Variants in ZNF708 observed in about 807,000 individuals in gnomAD.
ZNF708 encodes ZNF15, ZNF15L1.
ZNF708 carries 44 observed loss-of-function variants against 47.0 expected under a neutral mutation model. That is an observed-to-expected ratio of 0.94 (90% CI 0.74 to 1.20). The LOEUF (loss-of-function observed/expected upper bound fraction) is 1.20. ZNF708 is among the 50% of genes most tolerant of loss of function. The pLI, the probability that ZNF708 is intolerant of heterozygous loss-of-function variation, is 0.00. For missense variants in ZNF708, 557 were observed against 656.0 expected (o/e 0.85, Z 1.65); for synonymous variants, 184 against 218.5 (o/e 0.84, Z 1.39).
At chr19:21,297,270 A>ATAT (rs1568345563) in intron 3 of ZNF708, among the ~76,000 whole-genome samples, 3 of 46,680 alleles carry the variant, frequency 6.4e-5, no homozygotes, top group East Asian at 8.3e-4. Context: ...ATATATATAT[A>ATAT]TTTTTTTTTT....
intron 3 of ZNF708, among the ~76,000 whole-genome samples, chr19:21,305,456 T>A (rs1972742136): frequency 6.7e-6 from 1 of 148,828 alleles, no homozygotes; most frequent in African/African-American, 2.5e-5. Context: ...TATTTTTTTA[T>A]TTTTATTTTT....
At chr19:21,310,453 A>T (rs11665988) in intron 2 of ZNF708, 48 bp downstream of exon 2, 181,880 of 957,364 alleles carry the variant, frequency 0.19, 19,953 homozygotes, top group Non-Finnish European at 0.21. Flanking sequence ...TCAAAAAAAA[A>T]AATAATAATA....
chr19:21,297,457 A>C (rs991013712), intron 3 of ZNF708, among the ~76,000 whole-genome samples: 22 of 150,524 alleles, frequency 1.5e-4, no homozygotes, highest in African/African-American at 4.9e-4. Context: ...CCAAGGTACC[A>C]CAAAGAAAAT....
At chr19:21,313,087 GACAACATGGTGAAACCTCATCTCT>G (rs1972933307) in intron 1 of ZNF708, among the ~76,000 whole-genome samples, 1 of 142,968 alleles carries the variant, frequency 7.0e-6, no homozygotes, top group Non-Finnish European at 1.5e-5. Flanking sequence ...GGTCAACCTG[GACAACATGGTGAAACCTCATCTCT>G]ACTAAAAATA....
intron 1 of ZNF708, among the ~76,000 whole-genome samples, chr19:21,311,430 C>A (rs1972896370): frequency 6.6e-6 from 1 of 151,288 alleles, no homozygotes; most frequent in Non-Finnish European, 1.5e-5. Flanking sequence ...TGCACTAGGA[C>A]AAATTTTTAT....
chr19:21,325,692 C>T (rs1385898414), intron 1 of ZNF708, among the ~76,000 whole-genome samples: 1 of 152,006 alleles, frequency 6.6e-6, no homozygotes, highest in Non-Finnish European at 1.5e-5. Flanking sequence ...AAAGCAAATG[C>T]AATAAAAACA....
chr19:21,298,450 T>G (rs528569016), intron 3 of ZNF708, among the ~76,000 whole-genome samples: 1 of 152,194 alleles, frequency 6.6e-6, no homozygotes, highest in Admixed American at 6.5e-5. Context: ...AAATAATTAA[T>G]ATTGTGTAGA....
chr19:21,328,117 A>T (rs1471596120), intron 1 of ZNF708: 2 of 509,538 alleles, frequency 3.9e-6, no homozygotes, highest in Non-Finnish European at 5.1e-6. Context: ...ATCACTCCGT[A>T]AAGTTTCCAA....
rs1289282755 is a variant in ZNF708, at chr19:21,293,583, TGAG to T, written c.1380_1382del (p.Ser461del). On this transcript the variant is annotated inframe_deletion, in exon 4 of 4. Coordinates refer to ENST00000356929, the MANE Select transcript of ZNF708 (RefSeq NM_021269.3). ...GAATTTTTTTATGATTAGTAAAATT[TGAG>T]GAGTAGTTAAAAGTTTTGCCACATT... 71 of 1,612,894 alleles carry T rather than the reference TGAG, an allele frequency of 4.4e-5. No individual in the cohort carries two copies. Among genetic ancestry groups the T allele is most frequent in the African/African-American group, 6.7e-5 (5 of 74,862 alleles).
rs781524072 is a variant in ZNF708 at position 21,294,124 on chromosome 19, T to G, written c.842A>C (p.Lys281Thr). 2 of 1,612,936 alleles carry G rather than the reference T, an allele frequency of 1.2e-6. No homozygotes were observed. Among genetic ancestry groups the G allele is most frequent in the Non-Finnish European group, 1.7e-6 (2 of 1,179,792 alleles). ...AAAAGCTTTGCCACATTCTTCACAT[T>G]TGTAGGGTTTCTCTCCAGTATGAAC... ...KIVHTGEKPY[K>T]CEECGKAFKQ... Residue 281 changes from lysine (K) to threonine (T), a missense_variant, in exon 4 of 4, where the codon AAA becomes ACA. Transcript: ENST00000356929.
At chr19:21,302,786 T>C (rs957316731) in intron 3 of ZNF708, among the ~76,000 whole-genome samples, 1 of 151,812 alleles carries the variant, frequency 6.6e-6, no homozygotes, top group Non-Finnish European at 1.5e-5. Flanking sequence ...ATAATATTTA[T>C]CGAAAGTATA....
intron 1 of ZNF708, among the ~76,000 whole-genome samples, 170 bp downstream of exon 1, chr19:21,329,040 G>T (rs1973318840): frequency 6.6e-6 from 1 of 152,312 alleles, no homozygotes; most frequent in South Asian, 2.1e-4. Context: ...CCGGCTGTCG[G>T]CGCAGCCGCC....
At chr19:21,316,138 T>TC (rs1350609658) in intron 1 of ZNF708, among the ~76,000 whole-genome samples, 1 of 139,270 alleles carries the variant, frequency 7.2e-6, no homozygotes, top group East Asian at 2.0e-4. Context: ...TTTTTCTTTT[T>TC]TTTTTTTTTT....
intron 1 of ZNF708, among the ~76,000 whole-genome samples, chr19:21,320,660 T>G (rs1012706864): frequency 1.3e-5 from 2 of 151,202 alleles, no homozygotes; most frequent in African/African-American, 4.9e-5. Flanking sequence ...ACCACTGCAC[T>G]CCAGCCTGAG....
chr19:21,293,296 T>C lies in ZNF708; in HGVS notation c.1670A>G (p.Glu557Gly). Residue 557 changes from glutamate (E) to glycine (G), a missense_variant, in exon 4 of 4, where the codon GAG (glutamate) becomes GGG (glycine). Physicochemically the swap from Glu to Gly is moderately conservative, Grantham distance 98. Transcript: ENST00000356929. ...ACATTATTTACATTTGTAGGGTTTC[T>C]CTTTGGTATGAATTCTCTTATGTTT... The part of the protein sequence containing the change: ...LTKHKRIHTK[E>G]KPYKCK 1 of 1,608,288 alleles carries C rather than the reference T, an allele frequency of 6.2e-7. No homozygotes were observed. Among genetic ancestry groups the C allele is most frequent in the Non-Finnish European group, 8.5e-7 (1 of 1,177,910 alleles).
At chr19:21,328,491 G>A (rs1973308457) in intron 1 of ZNF708, among the ~76,000 whole-genome samples, 1 of 152,130 alleles carries the variant, frequency 6.6e-6, no homozygotes, top group South Asian at 2.1e-4. Flanking sequence ...AATGGGGCTG[G>A]GAGGTACACT....
At position 21,294,227 on chromosome 19, in the gene ZNF708, T is replaced by A; in HGVS notation, c.739A>T (p.Thr247Ser). 6.2e-7 allele frequency: 1 copy of A among 1,612,932 alleles called. No homozygotes were observed. The highest frequency in any genetic ancestry group is 8.5e-7 in the Non-Finnish European group (1 of 1,179,940). ...STLTRHKIIH[T>S]GEKLYKCEEC... ...TCACATTTGTAGAGTTTCTCTCCAG[T>A]ATGAATTATCTTATGTCTAGTAAGA... Residue 247 changes from threonine to serine, a missense_variant, in exon 4 of 4, where the codon ACT (threonine) becomes TCT (serine). Transcript: ENST00000356929.
chr19:21,293,832 G>C lies in ZNF708; in HGVS notation c.1134C>G (p.His378Gln). 1 of 1,612,660 alleles carries C rather than the reference G, an allele frequency of 6.2e-7. No homozygotes were observed. The highest frequency in any genetic ancestry group is 8.5e-7 in the Non-Finnish European group (1 of 1,179,662). Residue 378 changes from histidine to glutamine, a missense_variant, in exon 4 of 4, where the codon CAC becomes CAG. His to Gln is a conservative substitution (Grantham distance 24). Transcript: ENST00000356929. ...ECGKAFNRSS[H>Q]LTNHKVIHTG... ...TATGAATTACCTTATGATTAGTAAGGTGTGAGGACCGGTTAAAAGCTTTGC... is the reference window on the plus strand; with the variant it reads ...TATGAATTACCTTATGATTAGTAAGCTGTGAGGACCGGTTAAAAGCTTTGC...
intron 1 of ZNF708, among the ~76,000 whole-genome samples, chr19:21,326,578 G>T (rs1475761810): frequency 6.6e-6 from 1 of 152,084 alleles, no homozygotes; most frequent in Non-Finnish European, 1.5e-5. Flanking sequence ...GGGGGACGAG[G>T]GATAAAAGAC....
Sources: gnomAD v4.1 joint callset for allele counts (sites outside exome capture counted in the v4.1 genomes callset) on GRCh38, gnomAD v4.1.1 for gene constraint, MANE v1.5 for transcripts, NCBI Gene and HGNC (gene_info 2026-07-23, HGNC 2026-07-21) for gene names.